ACSBG1: variants seen among roughly 807,000 people sequenced by gnomAD.
The protein encoded by ACSBG1 is long-chain-fatty-acid--CoA ligase ACSBG1.
A neutral mutation model predicts 80.2 loss-of-function variants in ACSBG1; 39 were observed. The observed-to-expected ratio is 0.49, with a 90% CI of 0.38 to 0.64. The LOEUF (loss-of-function observed/expected upper bound fraction) is 0.64. ACSBG1 is among the 30% of genes least tolerant of loss of function. ACSBG1 has a pLI of 0.00. For missense variants in ACSBG1, 828 were observed against 966.4 expected, an observed-to-expected ratio of 0.86 and a Z score of 1.90; for synonymous variants, 392 against 379.5, an observed-to-expected ratio of 1.03 and a Z score of -0.38.
chr15:78,221,613 C>A (rs1385880445), intron 1 of ACSBG1, among the ~76,000 whole-genome samples: 2 of 152,158 alleles, frequency 1.3e-5, no homozygotes, highest in Non-Finnish European at 2.9e-5. Flanking sequence ...TCAGCACAGA[C>A]CCCTTACAGG....
chr15:78,179,680 C>T lies in ACSBG1; in HGVS notation c.1354G>A (p.Ala452Thr). 6.2e-7 allele frequency: 1 copy of T among 1,614,176 alleles called. No homozygotes were observed. Among genetic ancestry groups the T allele is most frequent in the Non-Finnish European group, 8.5e-7 (1 of 1,180,042 alleles). The change falls in exon 10 of 14, where the codon GCG (alanine) becomes ACG (threonine). Residue 452 changes from alanine to threonine, a missense_variant. Around this residue, in one of 3 missense-constraint regions of ACSBG1, gnomAD observed 271 missense variants for 375.9 expected, o/e 0.72. Transcript: ENST00000258873. ...TGTGTCTCTGCCATCATGGGGGCCG[C>T]TCCATAGAAGTTCTTTTGACACTTG... is the stretch of plus-strand genomic sequence containing the variant. ...FAKCQKNFYG[A>T]APMMAETQHF...
At chr15:78,173,996 C>T (rs1784836594) in intron 12 of ACSBG1, among the ~76,000 whole-genome samples, 157 bp from the exon 13 acceptor site, 1 of 152,118 alleles carries the variant, frequency 6.6e-6, no homozygotes, top group South Asian at 2.1e-4. Context: ...CTGTGTTGAG[C>T]CTCGTGTTAT....
At chr15:78,220,854 A>G (rs1263695720) in intron 1 of ACSBG1, among the ~76,000 whole-genome samples, 2 of 152,344 alleles carry the variant, frequency 1.3e-5, no homozygotes, top group East Asian at 3.9e-4. Flanking sequence ...AACCTCCTAT[A>G]CTGCTGGTGG....
In ACSBG1 at chr15:78,182,692, C is replaced by G. The variant is rs2074960619; in HGVS notation, c.744+13G>C. 2 of 1,614,194 alleles carry G rather than the reference C, an allele frequency of 1.2e-6. No individual in the cohort carries two copies. The highest frequency in any genetic ancestry group is 1.7e-6 in the Non-Finnish European group (2 of 1,179,998). On this transcript the variant is annotated intron_variant, in intron 6 of 13. Coordinates refer to ENST00000258873, the MANE Select transcript of ACSBG1 (RefSeq NM_015162.5). The stretch of plus-strand genomic sequence containing the variant: ...TAGGCCCCACCTGGCGCCCAGGGCC[C>G]CACTGCCCATACCGTGTACACATTG...
Position 78,172,411 on chromosome 15 carries a change from C to T in ACSBG1, c.2090-882G>A, listed in dbSNP as rs2074835009. 6.6e-6 allele frequency among the ~76,000 whole-genome samples: 1 copy of T among 152,136 alleles called. No homozygotes were observed. The highest frequency in any genetic ancestry group is 2.4e-5 in the African/African-American group (1 of 41,422). ...GGGAAGCCCAGGTTATGGGGAGCCTCTGCCATGGTCTTTATGAGAGGTCTT... is the reference window on the plus strand; with the variant it reads ...GGGAAGCCCAGGTTATGGGGAGCCTTTGCCATGGTCTTTATGAGAGGTCTT... On this transcript the variant is annotated intron_variant, in intron 13 of 13. Transcript: ENST00000258873. This position sits in a 1 kb window ranked among gnomAD's most constrained non-coding sequence, Gnocchi z 4.1.
chr15:78,174,356 C>A, intron 12 of ACSBG1, 29 bp downstream of exon 12: 1 of 1,614,056 alleles, frequency 6.2e-7, no homozygotes, highest in Non-Finnish European at 8.5e-7. Context: ...ACTGGCTGCT[C>A]CTTCTGAGCT....
intron 13 of ACSBG1, among the ~76,000 whole-genome samples, chr15:78,173,103 T>C (rs1373552047): frequency 2.0e-5 from 3 of 152,092 alleles, no homozygotes; most frequent in African/African-American, 7.2e-5. Context: ...CCCAGCACTT[T>C]GGGAGGCCGA....
rs748664490 is a variant in ACSBG1 at position 78,179,628 on chromosome 15, C to T, written c.1406G>A (p.Arg469His). ...TQHFFLGLNI[R>H]LYAGYGLSET... ...ACTGAGGCCGTAGCCCGCATACAAG[C>T]GGATGTTGAGACCCAGGAAGAAGTG... Residue 469 changes from arginine (R) to histidine (H), a missense_variant, in exon 10 of 14, where the codon CGC (arginine) becomes CAC (histidine). Physicochemically the swap from Arg to His is conservative, Grantham distance 29. Transcript: ENST00000258873. 6.8e-6 allele frequency: 11 copies of T among 1,614,164 alleles called. No homozygotes were observed. The highest frequency in any genetic ancestry group is 8.5e-6 in the Non-Finnish European group (10 of 1,180,032).
intron 5 of ACSBG1, among the ~76,000 whole-genome samples, chr15:78,191,845 C>T (rs1025181664): frequency 1.3e-5 from 2 of 152,110 alleles, no homozygotes; most frequent in African/African-American, 4.8e-5. Context: ...TTTAAAAGCA[C>T]TTATATGGTG....
At chr15:78,195,628 T>C (rs1270482671) in intron 2 of ACSBG1, among the ~76,000 whole-genome samples, 1 of 152,178 alleles carries the variant, frequency 6.6e-6, no homozygotes, top group Non-Finnish European at 1.5e-5. Flanking sequence ...AGGGTGTATA[T>C]GAAGAAGCTT....
At chr15:78,182,830 T>C (rs1226541952) in intron 5 of ACSBG1, 45 bp from the exon 6 acceptor site, 2 of 1,604,918 alleles carry the variant, frequency 1.2e-6, no homozygotes, top group Non-Finnish European at 1.7e-6. Flanking sequence ...AAGAGAAATG[T>C]CACCTTCTAA....
chr15:78,195,162 A>G (rs1595889802), intron 2 of ACSBG1, among the ~76,000 whole-genome samples: 1 of 151,364 alleles, frequency 6.6e-6, no homozygotes, highest in Non-Finnish European at 1.5e-5. Context: ...AAAGAGAACG[A>G]CCCTCCCGAG....
At chr15:78,233,970 G>C (rs2075471064) in intron 1 of ACSBG1, among the ~76,000 whole-genome samples, 1 of 152,236 alleles carries the variant, frequency 6.6e-6, no homozygotes, top group Non-Finnish European at 1.5e-5. Context: ...CACTTGCCAA[G>C]GTCACGCAGC....
At position 78,167,546 on chromosome 15, in the gene ACSBG1, T is replaced by A. The variant is rs140025043; in HGVS notation, c.*3898A>T. 6.6e-6 allele frequency: 1 copy of A among 152,344 alleles called. No homozygotes were observed. The highest frequency in any genetic ancestry group is 2.4e-5 in the African/African-American group (1 of 41,580). 9.4% of individuals were successfully genotyped at this position (152,344 alleles called of 1,614,324 possible). A position where few individuals can be genotyped will look rare whatever the true frequency, so the allele number is the denominator to read the frequency against. On this transcript the variant is annotated 3_prime_UTR_variant, in exon 14 of 14. Coordinates refer to ENST00000258873, the MANE Select transcript of ACSBG1 (RefSeq NM_015162.5). ...ATTTGCCATTTTAGCCGTATTTAGGTATACAGTTCAATAATGTTAAGTACA... is the reference window on the plus strand; with the variant it reads ...ATTTGCCATTTTAGCCGTATTTAGGAATACAGTTCAATAATGTTAAGTACA...
rs201136052 is a variant in ACSBG1 at position 78,171,532 on chromosome 15, A to T, written c.2090-3T>A. On this transcript the variant is annotated splice_region_variant and splice_polypyrimidine_tract_variant and intron_variant, in intron 13 of 13. Transcript: ENST00000258873. ...CCGTTTCAGTTTCATCGTGGGACCT[A>T]AAAGGGAAATGAGAAGAAATGAGTG... The T allele has an allele frequency of 9.3e-6, 15 of 1,613,382 alleles. No individual in the cohort carries two copies. The highest frequency in any genetic ancestry group is 1.3e-5 in the Non-Finnish European group (15 of 1,179,362).
Position 78,182,103 on chromosome 15 carries a change from G to A in ACSBG1, c.937C>T (p.Arg313Trp), listed in dbSNP as rs748435247. The change falls in exon 8 of 14, where the codon CGG (arginine) becomes TGG (tryptophan). Residue 313 changes from arginine (R) to tryptophan (W), a missense_variant. Arg to Trp is a moderately radical substitution (Grantham distance 101). Coordinates refer to ENST00000258873, the MANE Select transcript of ACSBG1 (RefSeq NM_015162.5). ...ARYGSQAGDIRPAEVQQEVVV... is the reference protein window; with the variant it reads ...ARYGSQAGDIWPAEVQQEVVV... ...ACCTCCTGCTGGACTTCTGCCGGCC[G>A]GATGTCACCGGCCTGGCTGCCGTAC... 19 of 1,612,144 alleles carry A rather than the reference G, an allele frequency of 1.2e-5. No homozygotes were observed. Among genetic ancestry groups the A allele is most frequent in the South Asian group, 4.4e-5 (4 of 91,090 alleles).
Position 78,180,756 on chromosome 15 carries a change from T to C in ACSBG1, c.1252A>G (p.Ser418Gly), listed in dbSNP as rs1187668395. ...TLEQNLTCPGSDLKPFTTRLA... is the reference protein window; with the variant it reads ...TLEQNLTCPGGDLKPFTTRLA... The stretch of plus-strand genomic sequence containing the variant: ...CTCCCGCCCGTGGGCCCTCTGTACC[T>C]GCCGGGGCAGGTGAGGTTCTGCTCC... Residue 418 changes from serine (S) to glycine (G), a missense_variant and splice_region_variant, in exon 9 of 14, where the codon AGC (serine) becomes GGC (glycine). Around this residue, in one of 3 missense-constraint regions of ACSBG1, gnomAD observed 271 missense variants for 375.9 expected, o/e 0.72. Transcript: ENST00000258873. 6.2e-7 allele frequency: 1 copy of C among 1,613,670 alleles called. No individual in the cohort carries two copies. The highest frequency in any genetic ancestry group is 8.5e-7 in the Non-Finnish European group (1 of 1,179,790).
rs1595873724 is a variant in ACSBG1 at position 78,168,107 on chromosome 15, T to TAA, written c.*3336_*3337insTT. 2 of 152,082 alleles carry TAA rather than the reference T, an allele frequency of 1.3e-5. No individual in the cohort carries two copies. Among genetic ancestry groups the TAA allele is most frequent in the East Asian group, 1.9e-4 (1 of 5,186 alleles). 9.4% of individuals were successfully genotyped at this position (152,082 alleles called of 1,614,324 possible). ...GAACAGATCAGTTGTATGGGAGGCT[T>TAA]TCTTTCCTAAAGAGGGAGGTTTAAG... is the stretch of plus-strand genomic sequence containing the variant. On this transcript the variant is annotated 3_prime_UTR_variant, in exon 14 of 14. Transcript: ENST00000258873.
intron 2 of ACSBG1, among the ~76,000 whole-genome samples, chr15:78,196,183 G>A (rs543493925): frequency 2.6e-5 from 4 of 152,334 alleles, no homozygotes; most frequent in African/African-American, 9.6e-5. Context: ...TGGCCATGAG[G>A]GAGCCCTGAG....
Sources: gnomAD v4.1 joint callset for allele counts (sites outside exome capture counted in the v4.1 genomes callset) on GRCh38, gnomAD v4.1.1 for gene constraint, gnomAD v4.1.1 regional missense constraint, Gnocchi (gnomAD v3.1) non-coding constraint, MANE v1.5 for transcripts, NCBI Gene and HGNC (gene_info 2026-07-23, HGNC 2026-07-21) for gene names.